Variants in CDH18 observed in about 807,000 individuals in gnomAD.
CDH18 encodes cadherin-18.
A neutral mutation model predicts 67.9 loss-of-function variants in CDH18; 31 were observed. That is an observed-to-expected ratio of 0.46 (90% confidence interval 0.34 to 0.62). The LOEUF is 0.62. Among genes scored for constraint, CDH18 ranks in the 20% least tolerant of loss-of-function variants. The pLI is 0.01. For missense variants in CDH18, 890 were observed against 975.5 expected (o/e 0.91, Z 1.17); for synonymous variants, 362 against 347.2 (o/e 1.04, Z -0.48).
At chr5:20,113,018 C>G (rs1002750175) in intron 2 of CDH18, among the ~76,000 whole-genome samples, 1 of 152,206 alleles carries the variant, frequency 6.6e-6, no homozygotes, top group Non-Finnish European at 1.5e-5. Context: ...AAATCAGACA[C>G]ATTACAATCA....
At chr5:19,888,884 G>A (rs771252522) in intron 2 of CDH18, among the ~76,000 whole-genome samples, 15 of 151,954 alleles carry the variant, frequency 9.9e-5, no homozygotes, top group Non-Finnish European at 2.1e-4. Flanking sequence ...TTTTCAATAC[G>A]TTTTTACCTG....
chr5:19,805,439 A>C (rs1414383385), intron 3 of CDH18, among the ~76,000 whole-genome samples: 1 of 152,112 alleles, frequency 6.6e-6, no homozygotes, highest in Admixed American at 6.6e-5. Flanking sequence ...TGTTCTTCAG[A>C]ATTCCATTCT....
chr5:20,560,468 TAC>T (rs547246325), intron 1 of CDH18, among the ~76,000 whole-genome samples: 6,857 of 127,556 alleles, frequency 0.054, 244 homozygotes, highest in African/African-American at 0.11. Flanking sequence ...CCAACACTCA[TAC>T]ACACACACAC....
rs141869689 is a variant in CDH18 at position 20,463,201 on chromosome 5, A to G, written c.-580+112261T>C. ...TATTTTTCTCTACTCCTGGCATTAT[A>G]CATTTGAACTCACTTTTTTTGTGGT... is the stretch of plus-strand genomic sequence containing the variant. On this transcript the variant is annotated intron_variant, in intron 1 of 14. Coordinates refer to the CDH18 transcript ENST00000507958. 1.9e-4 allele frequency among the ~76,000 whole-genome samples: 27 copies of G among 143,388 alleles called. 1 individual carries two copies. Among genetic ancestry groups the G allele is most frequent in the African/African-American group, 5.9e-4 (24 of 40,356 alleles). The allele number at this position is 143,388 out of a possible 152,430, so 94.1% of individuals were successfully genotyped here. A position where few individuals can be genotyped will look rare whatever the true frequency, so the allele number is the denominator to read the frequency against.
chr5:20,061,061 T>C (rs1742441647), intron 2 of CDH18, among the ~76,000 whole-genome samples: 1 of 152,018 alleles, frequency 6.6e-6, no homozygotes, highest in Non-Finnish European at 1.5e-5. Flanking sequence ...CTGAGAAATA[T>C]ACTATATATG....
At chr5:19,822,850 G>A (rs115828688) in intron 3 of CDH18, among the ~76,000 whole-genome samples, 1,566 of 152,192 alleles carry the variant, frequency 0.01, 23 homozygotes, top group African/African-American at 0.035. Flanking sequence ...TTTATTAGGC[G>A]GGAATTTTCT....
chr5:19,840,987 C>A (rs943251486), intron 2 of CDH18, among the ~76,000 whole-genome samples: 9 of 152,014 alleles, frequency 5.9e-5, no homozygotes, highest in African/African-American at 2.2e-4. Flanking sequence ...ATACTGAATA[C>A]AAATAATTGG....
chr5:19,550,576 C>T (rs1326002663), intron 8 of CDH18, among the ~76,000 whole-genome samples: 3 of 152,132 alleles, frequency 2.0e-5, no homozygotes, highest in Non-Finnish European at 4.4e-5. Context: ...ATCCATGTCC[C>T]TACAAAGGAC....
intron 2 of CDH18, among the ~76,000 whole-genome samples, chr5:20,233,491 A>AT (rs1360436853): frequency 6.6e-6 from 1 of 151,638 alleles, no homozygotes; most frequent in Non-Finnish European, 1.5e-5. Context: ...ATAATATTCT[A>AT]TTTTCTTCTG....
At chr5:20,000,032 G>T (rs562539053) in intron 2 of CDH18, among the ~76,000 whole-genome samples, 1 of 152,282 alleles carries the variant, frequency 6.6e-6, no homozygotes, top group Admixed American at 6.5e-5. Context: ...CAGAACAGGA[G>T]TGCTGACCTT....
intron 3 of CDH18, among the ~76,000 whole-genome samples, chr5:19,754,882 T>C (rs1017039471): frequency 2.0e-5 from 3 of 152,040 alleles, no homozygotes; most frequent in African/African-American, 4.8e-5. Flanking sequence ...TGCAAATACA[T>C]GGAAATTAAA....
chr5:20,400,174 T>G (rs1201838478), intron 1 of CDH18, among the ~76,000 whole-genome samples: 3 of 152,300 alleles, frequency 2.0e-5, no homozygotes, highest in Non-Finnish European at 4.4e-5. Flanking sequence ...CTCTGCTTTA[T>G]CAACTACATT....
intron 1 of CDH18, among the ~76,000 whole-genome samples, chr5:20,300,534 AAAAGGTGAGAG>A (rs2149965277): frequency 6.6e-6 from 1 of 152,208 alleles, no homozygotes; most frequent in African/African-American, 2.4e-5. Context: ...TACTGTTCAT[AAAAGGTGAGAG>A]AAAGAACATT....
chr5:20,352,142 A>G (rs1741231854), intron 1 of CDH18, among the ~76,000 whole-genome samples: 1 of 152,174 alleles, frequency 6.6e-6, no homozygotes, highest in Non-Finnish European at 1.5e-5. Flanking sequence ...GTGAGGATCC[A>G]TTTATAGCAG....
chr5:20,253,264 A>G (rs1743996273), intron 2 of CDH18, among the ~76,000 whole-genome samples: 1 of 152,180 alleles, frequency 6.6e-6, no homozygotes, highest in Admixed American at 6.5e-5. Context: ...CCAACTAACT[A>G]TACTCAACAT....
intron 2 of CDH18, among the ~76,000 whole-genome samples, chr5:20,110,178 C>T (rs1747337252): frequency 6.6e-6 from 1 of 152,184 alleles, no homozygotes; most frequent in African/African-American, 2.4e-5. Context: ...ACGGATCCCA[C>T]ATTGAAATAT....
chr5:19,881,044 G>A (rs1485390046), intron 2 of CDH18, among the ~76,000 whole-genome samples: 1 of 152,092 alleles, frequency 6.6e-6, no homozygotes, highest in Non-Finnish European at 1.5e-5. Flanking sequence ...TGCTCTCCAG[G>A]GAAGTGTTAT....
At position 19,473,366 on chromosome 5, in the gene CDH18, A is replaced by G; in HGVS notation, c.2233T>C (p.Ser745Pro). Residue 745 changes from serine (S) to proline (P), a missense_variant, in exon 13 of 13, where the codon TCA (serine) becomes CCA (proline). Coordinates refer to ENST00000382275, the MANE Select transcript of CDH18 (RefSeq NM_004934.5). ...AGCGAGCTGATAGACCCAGCTTCTG[A>G]TCTCTGACCCTCATAGGCATAAGTC... ...LQTYAYEGQR[S>P]EAGSISSLDS... 1.2e-6 allele frequency: 2 copies of G among 1,613,866 alleles called. No homozygotes were observed. Among genetic ancestry groups the G allele is most frequent in the Non-Finnish European group, 1.7e-6 (2 of 1,179,894 alleles).
intron 5 of CDH18, among the ~76,000 whole-genome samples, chr5:19,641,206 C>T (rs929260642): frequency 6.7e-6 from 1 of 148,708 alleles, no homozygotes; most frequent in Non-Finnish European, 1.5e-5. Context: ...TTAAAAAGCC[C>T]AACAAACAAA....
Sources: gnomAD v4.1 joint callset for allele counts (sites outside exome capture counted in the v4.1 genomes callset) on GRCh38, gnomAD v4.1.1 for gene constraint, MANE v1.5 for transcripts, NCBI Gene and HGNC (gene_info 2026-07-23, HGNC 2026-07-21) for gene names.